KCNQ1: variants seen among roughly 807,000 people sequenced by gnomAD.
KCNQ1 encodes the protein potassium voltage-gated channel subfamily Q member 1, also known as potassium voltage-gated channel subfamily KQT member 1.
A neutral mutation model predicts 72.4 loss-of-function variants in KCNQ1; 49 were observed. The observed-to-expected ratio is 0.68, with a 90% CI of 0.54 to 0.86. KCNQ1 has a LOEUF of 0.86. Ranked by LOEUF, KCNQ1 falls within the 40% of genes least tolerant of loss-of-function variation. The probability of loss-of-function intolerance (pLI) is 0.00; values close to 1 mark genes in which losing one functional copy is unlikely to be tolerated. For synonymous variants in KCNQ1, 450 were observed against 412.6 expected, an observed-to-expected ratio of 1.09 and a Z score of -1.10; for missense variants, 790 against 945.1, an observed-to-expected ratio of 0.84 and a Z score of 2.15.
chr11:2,654,636 C>T lies in KCNQ1; in HGVS notation c.1394-7325C>T, dbSNP rs944860168. Reference sequence around the variant, plus strand: ...TTACTAGGAAGGGCCCAGACACTGGCGAGAGTCTCTTGAGGGCAGAGGGCA... The same window carrying T: ...TTACTAGGAAGGGCCCAGACACTGGTGAGAGTCTCTTGAGGGCAGAGGGCA... On this transcript the variant is annotated intron_variant, in intron 10 of 15. Transcript: ENST00000155840. This position sits in a 1 kb window ranked among gnomAD's most constrained non-coding sequence, Gnocchi z 6.4. 42 of 398,530 alleles carry T rather than the reference C, an allele frequency of 1.1e-4. No homozygotes were observed. Among genetic ancestry groups the T allele is most frequent in the African/African-American group, 7.0e-4 (34 of 48,548 alleles). 24.7% of individuals were successfully genotyped at this position (398,530 alleles called of 1,614,324 possible). A position where few individuals can be genotyped will look rare whatever the true frequency, so the allele number is the denominator to read the frequency against.
rs964919975 is a variant in KCNQ1 at position 2,710,265 on chromosome 11, T to C, written c.1514+48184T>C. Among the ~76,000 whole-genome samples, 1 of 152,238 alleles carries C rather than the reference T, an allele frequency of 6.6e-6. No individual in the cohort carries two copies. Among genetic ancestry groups the C allele is most frequent in the Non-Finnish European group, 1.5e-5 (1 of 68,048 alleles). On this transcript the variant is annotated intron_variant, in intron 11 of 15. Transcript: ENST00000155840. The surrounding 1 kb of genome is among the most constrained non-coding windows in gnomAD (Gnocchi z 4.1). Reference sequence around the variant, plus strand: ...TGATGTTGAGCATCTTATTAGCCATTTGTATCTCTTCTTTGAAGAAGTATG... The same window carrying C: ...TGATGTTGAGCATCTTATTAGCCATCTGTATCTCTTCTTTGAAGAAGTATG...
chr11:2,559,334 A>G lies in KCNQ1; in HGVS notation c.478-11294A>G, dbSNP rs1002683603. 6.6e-5 allele frequency among the ~76,000 whole-genome samples: 10 copies of G among 152,150 alleles called. No homozygotes were observed. The highest frequency in any genetic ancestry group is 1.3e-4 in the Non-Finnish European group (9 of 68,014). ...CTCCCCTTAGGCCAGGGGTAGACGC[A>G]GGCACAGGGAGGATCAGGAAAGCCC... On this transcript the variant is annotated intron_variant, in intron 2 of 15. Coordinates refer to ENST00000155840, the MANE Select transcript of KCNQ1 (RefSeq NM_000218.3). This position sits in a 1 kb window ranked among gnomAD's most constrained non-coding sequence, Gnocchi z 4.9.
chr11:2,692,324 G>C (rs1253383672), intron 11 of KCNQ1: 15 of 398,908 alleles, frequency 3.8e-5, no homozygotes, highest in South Asian at 1.3e-4. Context: ...CCACTGTCCT[G>C]ATAGGCCACC....
intron 10 of KCNQ1, among the ~76,000 whole-genome samples, chr11:2,606,783 C>T (rs551261226): frequency 6.6e-6 from 1 of 151,998 alleles, no homozygotes; most frequent in South Asian, 2.1e-4. Context: ...CTGGATGGAA[C>T]ACTCAATAAA....
intron 1 of KCNQ1, among the ~76,000 whole-genome samples, chr11:2,496,527 C>CTTTTTTTTTTTTTTTTTTTTT (rs1846924433): frequency 6.7e-5 from 1 of 14,912 alleles, no homozygotes; most frequent in Non-Finnish European, 1.6e-4. Context: ...TTTTGCTTTC[C>CTTTTTTTTTTTTTTTTTTTTT]ATTGCTTGGT....
At chr11:2,456,885 G>A (rs1403006455) in intron 1 of KCNQ1, among the ~76,000 whole-genome samples, 1 of 142,160 alleles carries the variant, frequency 7.0e-6, no homozygotes. Flanking sequence ...CTTGCAGTAA[G>A]CCGAGATCAC....
Position 2,657,458 on chromosome 11 carries a change from G to A in KCNQ1, c.1394-4503G>A, listed in dbSNP as rs1234120971. Reference sequence around the variant, plus strand: ...ATAATTAATATTCTTTTGTGCTATTGTATACAGGTTCTGTTTTCTCTTGTT... The same window carrying A: ...ATAATTAATATTCTTTTGTGCTATTATATACAGGTTCTGTTTTCTCTTGTT... On this transcript the variant is annotated intron_variant, in intron 10 of 15. Coordinates refer to ENST00000155840, the MANE Select transcript of KCNQ1 (RefSeq NM_000218.3). This position sits in a 1 kb window ranked among gnomAD's most constrained non-coding sequence, Gnocchi z 4.8. The A allele has an allele frequency of 2.5e-6, 1 of 398,448 alleles. No homozygotes were observed. The highest frequency in any genetic ancestry group is 2.1e-5 in the African/African-American group (1 of 48,732). 24.7% of individuals were successfully genotyped at this position (398,448 alleles called of 1,614,324 possible). A position where few individuals can be genotyped will look rare whatever the true frequency, so the allele number is the denominator to read the frequency against.
intron 2 of KCNQ1, among the ~76,000 whole-genome samples, chr11:2,546,984 T>A (rs560201007): frequency 4.9e-4 from 75 of 152,374 alleles, no homozygotes; most frequent in African/African-American, 1.8e-3. Flanking sequence ...ACCATTTGTG[T>A]CTTTAGACTC....
chr11:2,470,366 T>C (rs1417574584), intron 1 of KCNQ1, among the ~76,000 whole-genome samples: 1 of 152,166 alleles, frequency 6.6e-6, no homozygotes, highest in Non-Finnish European at 1.5e-5. Context: ...CAAATGATTA[T>C]ATACTTGCGA....
At chr11:2,527,816 T>C (rs1847536284) in intron 1 of KCNQ1, 112 bp from the exon 2 acceptor site, 1 of 881,850 alleles carries the variant, frequency 1.1e-6, no homozygotes. Context: ...TTCGAAGCAC[T>C]GTCTGTTCCT....
At chr11:2,805,179 T>C (rs1257412652) in intron 15 of KCNQ1, among the ~76,000 whole-genome samples, 3 of 152,166 alleles carry the variant, frequency 2.0e-5, no homozygotes, top group Non-Finnish European at 2.9e-5. Flanking sequence ...AAGGGCTTTG[T>C]CTCTAGAAGA....
chr11:2,578,720 G>A (rs557383209), intron 6 of KCNQ1, among the ~76,000 whole-genome samples: 5 of 152,358 alleles, frequency 3.3e-5, no homozygotes, highest in East Asian at 1.9e-4. Context: ...TGGGTGCTGC[G>A]CTCTCCTGAC....
chr11:2,585,283 C>A lies in KCNQ1; in HGVS notation c.1104C>A (p.Ile368=). 6.2e-7 allele frequency: 1 copy of A among 1,613,976 alleles called. No homozygotes were observed. ...GGCAGAAGCACTTCAACCGGCAGAT[C>A]CCGGCGGCAGCCTCACTCATTCAGG... The part of the protein sequence containing the change: ...KQRQKHFNRQ[I]PAAASLIQTA... The change falls in exon 8 of 16, where the codon ATC becomes ATA. Residue 368 remains isoleucine, a synonymous_variant. Transcript: ENST00000155840.
At chr11:2,681,744 C>T (rs1399488230) in intron 11 of KCNQ1, 2 of 398,348 alleles carry the variant, frequency 5.0e-6, no homozygotes, top group Non-Finnish European at 8.8e-6. Context: ...ACTGATCACA[C>T]ACCAGGGCAC....
At chr11:2,606,173 GT>G (rs1472469939) in intron 10 of KCNQ1, among the ~76,000 whole-genome samples, 1 of 152,048 alleles carries the variant, frequency 6.6e-6, no homozygotes, top group Non-Finnish European at 1.5e-5. Context: ...TTTTCAGATT[GT>G]TTTTTGACAG....
In KCNQ1 at chr11:2,445,410, C is replaced by T. The variant is rs771833221; in HGVS notation, c.312C>T (p.Thr104=). 3 of 1,597,954 alleles carry T rather than the reference C, an allele frequency of 1.9e-6. No individual in the cohort carries two copies. Among genetic ancestry groups the T allele is most frequent in the East Asian group, 2.2e-5 (1 of 44,808 alleles). The change falls in exon 1 of 16, where the codon ACC becomes ACT. Residue 104 remains threonine (T), a synonymous_variant. Transcript: ENST00000155840. ...YSTRRPVLAR[T]HVQGRVYNFL... Reference sequence around the variant, plus strand: ...CGCGCCGCCCGGTGTTGGCGCGCACCCACGTCCAGGGCCGCGTCTACAACT... The same window carrying T: ...CGCGCCGCCCGGTGTTGGCGCGCACTCACGTCCAGGGCCGCGTCTACAACT...
chr11:2,839,383 A>T (rs1051542303), intron 15 of KCNQ1, among the ~76,000 whole-genome samples: 1 of 152,234 alleles, frequency 6.6e-6, no homozygotes, highest in Non-Finnish European at 1.5e-5. Context: ...CGCACGGAGC[A>T]GCCTCTGCAG....
Position 2,624,894 on chromosome 11 carries a change from C to G in KCNQ1, c.1393+36040C>G, listed in dbSNP as rs1213702745. On this transcript the variant is annotated intron_variant, in intron 10 of 15. Transcript: ENST00000155840. This position sits in a 1 kb window ranked among gnomAD's most constrained non-coding sequence, Gnocchi z 4.9. ...TAACATAATGGCCTCGAGGTTCATC[C>G]ATGTTGTGGCATGTGTCAAAATTTC... The G allele has an allele frequency of 5.0e-6, 2 of 398,368 alleles. No individual in the cohort carries two copies. Among genetic ancestry groups the G allele is most frequent in the Admixed American group, 8.8e-5 (2 of 22,696 alleles). The allele number at this position is 398,368 out of a possible 1,614,324, so 24.7% of individuals were successfully genotyped here. A position where few individuals can be genotyped will look rare whatever the true frequency, so the allele number is the denominator to read the frequency against.
intron 11 of KCNQ1, among the ~76,000 whole-genome samples, chr11:2,728,012 C>T (rs1207530793): frequency 6.6e-6 from 1 of 152,126 alleles, no homozygotes; most frequent in Admixed American, 6.5e-5. Context: ...GTGACCGCTC[C>T]CGCTCACCTC....
Sources: gnomAD v4.1 joint callset for allele counts (sites outside exome capture counted in the v4.1 genomes callset) on GRCh38, gnomAD v4.1.1 for gene constraint, Gnocchi (gnomAD v3.1) non-coding constraint, MANE v1.5 for transcripts, NCBI Gene and HGNC (gene_info 2026-07-23, HGNC 2026-07-21) for gene names.